The following TMEM117 variants were observed in gnomAD, a reference collection of about 807,000 sequenced individuals.
TMEM117 encodes transmembrane protein 117.
A neutral mutation model predicts 52.4 loss-of-function variants in TMEM117; 27 were observed. The ratio of observed to expected loss-of-function variants is 0.51; its 90% CI spans 0.38 to 0.71. The LOEUF is 0.71. Among genes scored for constraint, TMEM117 ranks in the 30% least tolerant of loss-of-function variants. The pLI, the probability that TMEM117 is intolerant of heterozygous loss-of-function variation, is 0.00. For synonymous variants in TMEM117, 215 were observed against 206.3 expected (o/e 1.04, Z -0.36); for missense variants, 556 against 630.5 (o/e 0.88, Z 1.26).
chr12:44,092,677 A>C (rs1947694496), intron 3 of TMEM117, among the ~76,000 whole-genome samples: 3 of 152,292 alleles, frequency 2.0e-5, no homozygotes, highest in Admixed American at 1.3e-4. Context: ...ATAGAAAACC[A>C]GACGTCTACC....
chr12:44,142,498 A>G (rs1948584822), intron 3 of TMEM117, among the ~76,000 whole-genome samples: 1 of 152,300 alleles, frequency 6.6e-6, no homozygotes, highest in East Asian at 1.9e-4. Flanking sequence ...GAGATAGTTT[A>G]CCTCTCAGTG....
At chr12:44,075,601 C>T (rs1592495050) in intron 3 of TMEM117, among the ~76,000 whole-genome samples, 2 of 152,234 alleles carry the variant, frequency 1.3e-5, no homozygotes, top group Admixed American at 1.3e-4. Flanking sequence ...ACAGAGGATC[C>T]TCCTAGGAAA....
chr12:44,308,224 A>G (rs1039877108), intron 6 of TMEM117, among the ~76,000 whole-genome samples: 1 of 152,244 alleles, frequency 6.6e-6, no homozygotes, highest in African/African-American at 2.4e-5. Context: ...TATAAATTCT[A>G]TACTACTGCA....
intron 5 of TMEM117, among the ~76,000 whole-genome samples, chr12:44,227,488 C>T (rs899590209): frequency 1.3e-5 from 2 of 152,076 alleles, no homozygotes; most frequent in Non-Finnish European, 1.5e-5. Flanking sequence ...ATTACACTTA[C>T]AAAAGCAAGA....
At chr12:44,055,953 A>G in intron 3 of TMEM117, among the ~76,000 whole-genome samples, 1 of 152,188 alleles carries the variant, frequency 6.6e-6, no homozygotes, top group East Asian at 1.9e-4. Context: ...ATTCTTTTAA[A>G]CACTCAGCAT....
chr12:44,353,467 T>G (rs1951597190), intron 6 of TMEM117, among the ~76,000 whole-genome samples: 1 of 151,940 alleles, frequency 6.6e-6, no homozygotes, highest in South Asian at 2.1e-4. Flanking sequence ...TTGAATTAAT[T>G]TTTGTATAAG....
At chr12:44,036,826 A>G (rs1340419865) in intron 3 of TMEM117, among the ~76,000 whole-genome samples, 2 of 152,124 alleles carry the variant, frequency 1.3e-5, no homozygotes, top group Non-Finnish European at 2.9e-5. Context: ...ACCAATTTAT[A>G]CTCTTATCAG....
chr12:44,362,849 T>G (rs1951739822), intron 6 of TMEM117, among the ~76,000 whole-genome samples: 1 of 151,966 alleles, frequency 6.6e-6, no homozygotes, highest in Non-Finnish European at 1.5e-5. Context: ...TTTTTTTATT[T>G]TTTTGGTTGG....
intron 5 of TMEM117, among the ~76,000 whole-genome samples, chr12:44,257,283 C>T (rs1254177869): frequency 6.6e-6 from 1 of 151,796 alleles, no homozygotes; most frequent in Non-Finnish European, 1.5e-5. Flanking sequence ...CATCTGCACT[C>T]CTATCCATTT....
the TMEM117 span, among the ~76,000 whole-genome samples, chr12:43,826,893 A>G: frequency 6.6e-6 from 1 of 152,128 alleles, no homozygotes; most frequent in African/African-American, 2.4e-5. Context: ...CCTGGAATGC[A>G]GTGACTGTGA....
At chr12:44,307,262 A>G (rs1299679972) in intron 6 of TMEM117, among the ~76,000 whole-genome samples, 1 of 152,206 alleles carries the variant, frequency 6.6e-6, no homozygotes, top group Non-Finnish European at 1.5e-5. Flanking sequence ...ACAAGTTGGA[A>G]TATATTTTCA....
At chr12:43,892,374 T>G (rs753100914) in intron 2 of TMEM117, among the ~76,000 whole-genome samples, 2 of 152,210 alleles carry the variant, frequency 1.3e-5, no homozygotes, top group Non-Finnish European at 2.9e-5. Context: ...GCTGGTCTTG[T>G]GGGCACCCTC....
intron 3 of TMEM117, among the ~76,000 whole-genome samples, chr12:43,993,355 C>T (rs1301737455): frequency 6.6e-6 from 1 of 152,180 alleles, no homozygotes; most frequent in Non-Finnish European, 1.5e-5. Flanking sequence ...ATAATGGATG[C>T]TCAACAACGG....
intron 4 of TMEM117, among the ~76,000 whole-genome samples, chr12:44,155,793 C>T (rs569058987): frequency 6.6e-6 from 1 of 152,132 alleles, no homozygotes; most frequent in South Asian, 2.1e-4. Context: ...GAAAGTCTGC[C>T]CTTTGGTCAC....
chr12:43,816,234 G>C, the TMEM117 span, among the ~76,000 whole-genome samples: 3 of 152,124 alleles, frequency 2.0e-5, no homozygotes, highest in Non-Finnish European at 4.4e-5. Context: ...AAGGTGTTCT[G>C]TTCTGCTTCA....
intron 5 of TMEM117, among the ~76,000 whole-genome samples, chr12:44,272,762 C>CACTGTTAGTGTG (rs1375840213): frequency 6.6e-6 from 1 of 152,148 alleles, no homozygotes; most frequent in Non-Finnish European, 1.5e-5. Context: ...AACACTTTCA[C>CACTGTTAGTGTG]ACTGTTAGTG....
At chr12:43,957,493 C>T (rs1945327954) in intron 3 of TMEM117, among the ~76,000 whole-genome samples, 1 of 152,172 alleles carries the variant, frequency 6.6e-6, no homozygotes, top group Admixed American at 6.5e-5. Flanking sequence ...AAACTATTTT[C>T]TTCCATAGTA....
At chr12:43,863,784 C>T (rs983360726) in intron 2 of TMEM117, among the ~76,000 whole-genome samples, 4 of 152,338 alleles carry the variant, frequency 2.6e-5, no homozygotes, top group South Asian at 2.1e-4. Context: ...TTGGCCTCAG[C>T]GCCCATTCTG....
intron 3 of TMEM117, among the ~76,000 whole-genome samples, chr12:44,080,338 G>C (rs1173391331): frequency 6.6e-6 from 1 of 152,130 alleles, no homozygotes; most frequent in Middle Eastern, 3.4e-3. Flanking sequence ...CCAAGCAAGT[G>C]GGGGAAAAGA....
Sources: gnomAD v4.1 joint callset for allele counts (sites outside exome capture counted in the v4.1 genomes callset) on GRCh38, gnomAD v4.1.1 for gene constraint, MANE v1.5 for transcripts, NCBI Gene and HGNC (gene_info 2026-07-23, HGNC 2026-07-21) for gene names.